The following LRRC1 variants were observed in gnomAD, a reference collection of about 807,000 sequenced individuals.
LRRC1 encodes leucine rich repeat containing 1.
A neutral mutation model predicts 69.9 loss-of-function variants in LRRC1; 28 were observed. That is an observed-to-expected ratio of 0.40 (90% CI 0.30 to 0.55). The LOEUF (loss-of-function observed/expected upper bound fraction) is 0.55. Among genes scored for constraint, LRRC1 ranks in the 20% least tolerant of loss-of-function variants. The probability of loss-of-function intolerance (pLI) is 0.47; values close to 1 mark genes in which losing one functional copy is unlikely to be tolerated. For missense variants in LRRC1, 498 were observed against 609.0 expected (o/e 0.82, Z 1.92); for synonymous variants, 236 against 240.2 (o/e 0.98, Z 0.16).
chr6:53,860,324 A>G (rs1766453177), intron 2 of LRRC1, among the ~76,000 whole-genome samples: 1 of 152,234 alleles, frequency 6.6e-6, no homozygotes, highest in African/African-American at 2.4e-5. Flanking sequence ...AATACTTTGA[A>G]GGGGATAATA....
At chr6:53,866,085 A>G (rs1766694579) in intron 2 of LRRC1, among the ~76,000 whole-genome samples, 1 of 152,086 alleles carries the variant, frequency 6.6e-6, no homozygotes, top group Admixed American at 6.5e-5. Flanking sequence ...GAGTGTGTCC[A>G]GGTTGAGAGG....
rs1462680660 is a variant in LRRC1, at chr6:53,855,916, T to C, written c.277+13689T>C. ...CTACTCAGCCTTCAGTTTTGAACAA[T>C]TGGAGCATGGTAAAGAGGTCTCCTT... On this transcript the variant is annotated intron_variant, in intron 2 of 13. Coordinates refer to ENST00000370888, the MANE Select transcript of LRRC1 (RefSeq NM_018214.5). 3.3e-5 allele frequency among the ~76,000 whole-genome samples: 5 copies of C among 152,288 alleles called. No homozygotes were observed. In the East Asian group the frequency reaches 7.7e-4, roughly 24 times the overall value.
intron 2 of LRRC1, among the ~76,000 whole-genome samples, chr6:53,844,019 G>A (rs1029283767): frequency 6.6e-6 from 1 of 152,162 alleles, no homozygotes; most frequent in African/African-American, 2.4e-5. Flanking sequence ...GAGTTGGATG[G>A]CAACCAGTAC....
chr6:53,920,961 G>GTTTTTTTTTTTTTTT (rs201940946), intron 13 of LRRC1, among the ~76,000 whole-genome samples, 200 bp downstream of exon 13: 1 of 147,690 alleles, frequency 6.8e-6, no homozygotes, highest in African/African-American at 2.5e-5. Flanking sequence ...GAACTCATGG[G>GTTTTTTTTTTTTTTT]TTTTTTTTTT....
chr6:53,871,091 A>G lies in LRRC1; in HGVS notation c.278-7902A>G, dbSNP rs1029003536. 3.7e-4 allele frequency among the ~76,000 whole-genome samples: 57 copies of G among 152,220 alleles called. 2 individuals are homozygous for G. The highest frequency in any genetic ancestry group is 2.0e-4 in the Admixed American group (3 of 15,282). On this transcript the variant is annotated intron_variant, in intron 2 of 13. Transcript: ENST00000370888. ...CTTGACTCTTGTGAATAATGCTGTGATAAACATGGGAGTGCAGATATATCT... is the reference window on the plus strand; with the variant it reads ...CTTGACTCTTGTGAATAATGCTGTGGTAAACATGGGAGTGCAGATATATCT...
At chr6:53,862,572 CT>C (rs1307457251) in intron 2 of LRRC1, among the ~76,000 whole-genome samples, 2 of 152,066 alleles carry the variant, frequency 1.3e-5, no homozygotes, top group Non-Finnish European at 2.9e-5. Flanking sequence ...AGGTGAAAAC[CT>C]TTTTGATTAG....
At chr6:53,868,223 C>CTTT (rs141016862) in intron 2 of LRRC1, among the ~76,000 whole-genome samples, 3 of 137,852 alleles carry the variant, frequency 2.2e-5, no homozygotes, top group East Asian at 2.2e-4. Context: ...TAATGCTACT[C>CTTT]TTTTTTTTTT....
chr6:53,821,778 T>G (rs1165846339), intron 1 of LRRC1, among the ~76,000 whole-genome samples: 1 of 152,226 alleles, frequency 6.6e-6, no homozygotes, highest in Admixed American at 6.5e-5. Flanking sequence ...GGGAATTTTT[T>G]TTCAGCAACG....
intron 2 of LRRC1, among the ~76,000 whole-genome samples, chr6:53,853,442 G>A (rs773809536): frequency 4.6e-5 from 7 of 151,820 alleles, no homozygotes; most frequent in East Asian, 1.9e-4. Context: ...TCACCACCAC[G>A]CCCAGCTAAT....
chr6:53,922,690 A>C lies in LRRC1; in HGVS notation c.1472A>C (p.Lys491Thr), dbSNP rs373712253. The C allele has an allele frequency of 6.2e-7, 1 of 1,614,042 alleles. No homozygotes were observed. Among genetic ancestry groups the C allele is most frequent in the African/African-American group, 1.3e-5 (1 of 74,932 alleles). Residue 491 changes from lysine (K) to threonine (T), a missense_variant, in exon 14 of 14, where the codon AAG becomes ACG. This residue lies in a region of LRRC1 where 162 missense variants were observed against 162.9 expected (regional missense o/e 0.99). Coordinates refer to ENST00000370888, the MANE Select transcript of LRRC1 (RefSeq NM_018214.5). ...CCAGGGGAGTTAAAGCACATGAAAA[A>C]GACAGTGGAGAATTTACGGAATGAC... ...PHPGELKHMKKTVENLRNDMN... is the reference protein window; with the variant it reads ...PHPGELKHMKTTVENLRNDMN...
intron 4 of LRRC1, among the ~76,000 whole-genome samples, chr6:53,886,635 C>A (rs1228888282): frequency 6.6e-6 from 1 of 152,066 alleles, no homozygotes; most frequent in Non-Finnish European, 1.5e-5. Flanking sequence ...TGTATTCATT[C>A]ATTCATTTTC....
chr6:53,874,064 A>G (rs1292518556), intron 2 of LRRC1, among the ~76,000 whole-genome samples: 2 of 152,168 alleles, frequency 1.3e-5, no homozygotes, highest in Non-Finnish European at 2.9e-5. Flanking sequence ...CTGAACAGTG[A>G]TGCTCATCCT....
At chr6:53,819,653 C>G (rs948944185) in intron 1 of LRRC1, among the ~76,000 whole-genome samples, 2 of 151,998 alleles carry the variant, frequency 1.3e-5, no homozygotes, top group African/African-American at 4.8e-5. Context: ...GGATGTGTGC[C>G]GCCATCCTGT....
chr6:53,866,680 T>A (rs1295674658), intron 2 of LRRC1, among the ~76,000 whole-genome samples: 1 of 152,150 alleles, frequency 6.6e-6, no homozygotes, highest in Non-Finnish European at 1.5e-5. Flanking sequence ...CTACATTAAG[T>A]AAGAAATAAT....
At position 53,919,872 on chromosome 6, in the gene LRRC1, A is replaced by T. The variant is rs377548132; in HGVS notation, c.1279+202A>T. Among the ~76,000 whole-genome samples the T allele has an allele frequency of 3.3e-5, 5 of 152,236 alleles. No homozygotes were observed. The East Asian group carries it at 7.7e-4, about 23-fold the overall frequency. Reference sequence around the variant, plus strand: ...GAAGAAGGGCCACTCCTATCTATTTATCATGTTTGAAATTCCATAAGCAGT... The same window carrying T: ...GAAGAAGGGCCACTCCTATCTATTTTTCATGTTTGAAATTCCATAAGCAGT... On this transcript the variant is annotated intron_variant, in intron 12 of 13. Transcript: ENST00000370888.
At chr6:53,875,040 AGAG>A (rs1021230433) in intron 2 of LRRC1, among the ~76,000 whole-genome samples, 44 of 152,338 alleles carry the variant, frequency 2.9e-4, no homozygotes, top group African/African-American at 1.0e-3. Flanking sequence ...AAGAAAGAAA[AGAG>A]GAGGAGAGAT....
intron 2 of LRRC1, among the ~76,000 whole-genome samples, chr6:53,849,329 A>G (rs922701716): frequency 6.6e-6 from 1 of 152,214 alleles, no homozygotes; most frequent in African/African-American, 2.4e-5. Flanking sequence ...TAAGTTATGG[A>G]AGGAAAAATA....
intron 2 of LRRC1, among the ~76,000 whole-genome samples, chr6:53,845,509 T>G (rs1468050926): frequency 1.3e-5 from 2 of 152,196 alleles, no homozygotes; most frequent in Non-Finnish European, 2.9e-5. Context: ...GCCTCTGGTC[T>G]TCTGTTGCCC....
Position 53,842,183 on chromosome 6 carries a change from T to C in LRRC1, c.233T>C (p.Ile78Thr). 1 of 1,614,048 alleles carries C rather than the reference T, an allele frequency of 6.2e-7. No individual in the cohort carries two copies. The highest frequency in any genetic ancestry group is 1.3e-5 in the African/African-American group (1 of 75,044). Residue 78 changes from isoleucine (I) to threonine (T), a missense_variant, in exon 2 of 14, where the codon ATA becomes ACA. Ile to Thr is a moderately conservative substitution (Grantham distance 89, BLOSUM62 -1). This residue lies in a region of LRRC1 where 266 missense variants were observed against 383.9 expected (regional missense o/e 0.69). Coordinates refer to ENST00000370888, the MANE Select transcript of LRRC1 (RefSeq NM_018214.5). ...GAAATTCAGCGGCTCCCTCCAGAAATAGCAAACTTCATGCAGCTGGTGGAA... is the reference window on the plus strand; with the variant it reads ...GAAATTCAGCGGCTCCCTCCAGAAACAGCAAACTTCATGCAGCTGGTGGAA... ...DNEIQRLPPE[I>T]ANFMQLVELD...
Sources: allele counts gnomAD v4.1 joint callset (sites outside exome capture counted in the v4.1 genomes callset), GRCh38; gene constraint gnomAD v4.1.1; regional missense constraint gnomAD v4.1.1; transcripts MANE v1.5; gene names NCBI Gene and HGNC (gene_info 2026-07-23, HGNC 2026-07-21).